ACYP2: variants seen among roughly 807,000 people sequenced by gnomAD.
The protein encoded by ACYP2 is acylphosphatase-2.
A neutral mutation model predicts 11.2 loss-of-function variants in ACYP2; 12 were observed. That is an observed-to-expected ratio of 1.08 (90% confidence interval 0.69 to 1.74). ACYP2 has a LOEUF of 1.74. ACYP2 is among the 40% of genes most tolerant of loss of function. The pLI, the probability that ACYP2 is intolerant of heterozygous loss-of-function variation, is 0.00. For missense variants in ACYP2, 134 were observed against 101.9 expected, an observed-to-expected ratio of 1.31 and a Z score of -1.35; for synonymous variants, 43 against 32.2, an observed-to-expected ratio of 1.33 and a Z score of -1.13.
chr2:54,157,164 C>G (rs1339661868), intron 6 of ACYP2, among the ~76,000 whole-genome samples: 2 of 152,036 alleles, frequency 1.3e-5, no homozygotes, highest in East Asian at 1.9e-4. Context: ...TTTCTGTCCT[C>G]TTAATACCAT....
chr2:54,033,222 G>C (rs1446077910), intron 2 of ACYP2, among the ~76,000 whole-genome samples: 1 of 150,706 alleles, frequency 6.6e-6, no homozygotes, highest in Admixed American at 6.6e-5. Context: ...TTTTGAGACA[G>C]GGTCTTGCGT....
chr2:54,105,453 C>T (rs891709743), intron 4 of ACYP2, among the ~76,000 whole-genome samples: 2 of 152,024 alleles, frequency 1.3e-5, no homozygotes, highest in African/African-American at 2.4e-5. Context: ...CCCTAATCTA[C>T]CCCCATCTCT....
chr2:54,201,398 C>G (rs1241137881), intron 6 of ACYP2, among the ~76,000 whole-genome samples: 4 of 152,114 alleles, frequency 2.6e-5, no homozygotes, highest in African/African-American at 9.7e-5. Flanking sequence ...AGCCACCACG[C>G]CTGGCTGGTT....
intron 4 of ACYP2, among the ~76,000 whole-genome samples, chr2:54,111,158 C>G (rs929734): frequency 0.57 from 86,054 of 151,900 alleles, 24,494 homozygotes; most frequent in East Asian, 0.71. Context: ...AGCTGGGATA[C>G]GGCTGTAGAG....
chr2:54,163,538 A>T lies in ACYP2; in HGVS notation c.404+24790A>T, dbSNP rs146394842. 6.0e-3 allele frequency among the ~76,000 whole-genome samples: 918 copies of T among 152,370 alleles called. 4 individuals are homozygous for T. Among genetic ancestry groups the T allele is most frequent in the Middle Eastern group, 0.044 (13 of 294 alleles). On this transcript the variant is annotated intron_variant, in intron 6 of 6. Transcript: ENST00000607452. Reference sequence around the variant, plus strand: ...AGAAGTTTTCAGACAAAATAATTTCAGACAAAAAGAAGTGGTTCATAAATG... The same window carrying T: ...AGAAGTTTTCAGACAAAATAATTTCTGACAAAAAGAAGTGGTTCATAAATG...
intron 6 of ACYP2, among the ~76,000 whole-genome samples, chr2:54,201,636 C>CTCTTTCTTTCTTTCTTTCTTTCTTTCTT (rs1553391343): frequency 1.5e-3 from 136 of 93,666 alleles, no homozygotes; most frequent in Middle Eastern, 5.3e-3. Context: ...TTCTTTCTTT[C>CTCTTTCTTTCTTTCTTTCTTTCTTTCTT]TCTTTCTTTC....
intron 4 of ACYP2, among the ~76,000 whole-genome samples, chr2:54,118,249 C>G (rs570805497): frequency 6.6e-6 from 1 of 152,318 alleles, no homozygotes; most frequent in African/African-American, 2.4e-5. Flanking sequence ...GCTTTGAAAA[C>G]TGCCACAATA....
chr2:54,195,558 C>A (rs1442783283), intron 6 of ACYP2, among the ~76,000 whole-genome samples: 1 of 151,616 alleles, frequency 6.6e-6, no homozygotes, highest in East Asian at 1.9e-4. Flanking sequence ...CTCCAGGGCA[C>A]CTCATGGTTG....
chr2:54,023,118 A>G (rs930168865), intron 2 of ACYP2, among the ~76,000 whole-genome samples: 1 of 152,190 alleles, frequency 6.6e-6, no homozygotes, highest in African/African-American at 2.4e-5. Flanking sequence ...TTTCTTTCCT[A>G]TACCCAGCGT....
chr2:54,136,891 G>A lies in ACYP2; in HGVS notation c.294+1422G>A, dbSNP rs13013288. On this transcript the variant is annotated intron_variant, in intron 5 of 6. Coordinates refer to ENST00000607452, the MANE Select transcript of ACYP2 (RefSeq NM_001320586.2). ...CTTGGGAGGCTGAGGCAGGAGAATC[G>A]CTTGAACTTGGGAGGCAGAGGTTGC... 2.7e-3 allele frequency among the ~76,000 whole-genome samples: 412 copies of A among 152,182 alleles called. 1 individual carries two copies. Among genetic ancestry groups the A allele is most frequent in the African/African-American group, 9.2e-3 (382 of 41,508 alleles).
intron 6 of ACYP2, among the ~76,000 whole-genome samples, chr2:54,189,453 T>C (rs1321892852): frequency 1.3e-5 from 2 of 152,226 alleles, no homozygotes; most frequent in South Asian, 4.1e-4. Context: ...CTTAGCATAA[T>C]GTCCTCCAGG....
chr2:54,210,361 A>C (rs888486661), intron 6 of ACYP2, among the ~76,000 whole-genome samples: 1 of 152,106 alleles, frequency 6.6e-6, no homozygotes, highest in African/African-American at 2.4e-5. Context: ...TGTTTATTAC[A>C]TTACTTAATA....
rs932597236 is a variant in ACYP2, at chr2:54,268,566, C to G, written c.405-36122C>G. ...CCTGTAATCCCAGCAAGTTGGGAGG[C>G]TGAGACAGGAAGATCACTTGAGCCC... On this transcript the variant is annotated intron_variant, in intron 6 of 6. Transcript: ENST00000607452. Among the ~76,000 whole-genome samples, 8 of 150,330 alleles carry G rather than the reference C, an allele frequency of 5.3e-5. No individual in the cohort carries two copies. The Admixed American group carries it at 5.3e-4, about 10-fold the overall frequency.
chr2:54,171,493 G>A (rs987126146), intron 6 of ACYP2, among the ~76,000 whole-genome samples: 7 of 152,186 alleles, frequency 4.6e-5, no homozygotes, highest in African/African-American at 1.7e-4. Context: ...ACACTATCTT[G>A]TGTCGTTTGT....
In ACYP2 at chr2:54,275,065, A is replaced by G. The variant is rs928305779; in HGVS notation, c.405-29623A>G. Among the ~76,000 whole-genome samples, 26 of 143,194 alleles carry G rather than the reference A, an allele frequency of 1.8e-4. 1 individual carries two copies. In the Admixed American group the frequency reaches 1.9e-3, roughly 10 times the overall value. The allele number at this position is 143,194 out of a possible 152,430, so 93.9% of individuals were successfully genotyped here. On this transcript the variant is annotated intron_variant, in intron 6 of 6. Coordinates refer to ENST00000607452, the MANE Select transcript of ACYP2 (RefSeq NM_001320586.2). ...TTTTAAGTTCTGTGTAAGGTAAGGTATAAAAGAAGAAAAAAAACCTCCTTG... is the reference window on the plus strand; with the variant it reads ...TTTTAAGTTCTGTGTAAGGTAAGGTGTAAAAGAAGAAAAAAAACCTCCTTG...
intron 4 of ACYP2, among the ~76,000 whole-genome samples, chr2:54,116,762 G>T (rs1188231558): frequency 6.6e-6 from 1 of 152,110 alleles, no homozygotes; most frequent in Non-Finnish European, 1.5e-5. Flanking sequence ...ACAGGGGAGG[G>T]GAAGGGGTTC....
At chr2:53,978,564 G>C (rs993071455) in intron 2 of ACYP2, among the ~76,000 whole-genome samples, 2 of 152,088 alleles carry the variant, frequency 1.3e-5, no homozygotes, top group African/African-American at 4.8e-5. Context: ...TGATGTGAAC[G>C]AACCTACTAC....
chr2:54,087,121 C>G (rs577898069), intron 4 of ACYP2, among the ~76,000 whole-genome samples: 55 of 152,216 alleles, frequency 3.6e-4, no homozygotes, highest in African/African-American at 1.3e-3. Flanking sequence ...TAAGAATAGG[C>G]CAGTTAGAGT....
At chr2:54,257,000 G>C (rs1374194170) in intron 6 of ACYP2, among the ~76,000 whole-genome samples, 1 of 152,128 alleles carries the variant, frequency 6.6e-6, no homozygotes, top group Non-Finnish European at 1.5e-5. Flanking sequence ...ACCTTTTGAA[G>C]AACAAAAGTT....
Sources: gnomAD v4.1 joint callset for allele counts (sites outside exome capture counted in the v4.1 genomes callset) on GRCh38, gnomAD v4.1.1 for gene constraint, MANE v1.5 for transcripts, NCBI Gene and HGNC (gene_info 2026-07-23, HGNC 2026-07-21) for gene names.